The following UTP6 variants were observed in gnomAD, a reference collection of about 807,000 sequenced individuals.
UTP6 encodes UTP6 small subunit processome component, also known as U3 small nucleolar RNA-associated protein 6 homolog.
UTP6 carries 60 observed loss-of-function variants against 96.5 expected under a neutral mutation model. The observed-to-expected ratio is 0.62, with a 90% CI of 0.51 to 0.77. The LOEUF (loss-of-function observed/expected upper bound fraction) is 0.77, where lower values mean the gene tolerates loss of function less well. Ranked by LOEUF, UTP6 falls within the 30% of genes least tolerant of loss-of-function variation. The pLI is 0.00. For missense variants in UTP6, 637 were observed against 706.5 expected (o/e 0.90, Z 1.12); for synonymous variants, 215 against 240.1 (o/e 0.90, Z 0.96).
chr17:31,871,075 C>T (rs1056397654), intron 16 of UTP6, among the ~76,000 whole-genome samples: 5 of 151,524 alleles, frequency 3.3e-5, no homozygotes, highest in African/African-American at 9.7e-5. Context: ...CTGAAAGCTC[C>T]GCCTCCCAGG....
intron 4 of UTP6, among the ~76,000 whole-genome samples, chr17:31,893,077 C>G (rs1479531327): frequency 1.3e-5 from 2 of 152,020 alleles, no homozygotes; most frequent in African/African-American, 4.8e-5. Context: ...TCAAAACCAG[C>G]CTGTCAAATA....
intron 4 of UTP6, among the ~76,000 whole-genome samples, chr17:31,893,734 C>CAAAA (rs3084042): frequency 7.1e-5 from 6 of 84,444 alleles, no homozygotes; most frequent in East Asian, 3.7e-4. Context: ...CATCCCCCAC[C>CAAAA]AAAAAAAAAA....
At chr17:31,890,815 C>G (rs1032186052) in intron 6 of UTP6, among the ~76,000 whole-genome samples, 1 of 150,386 alleles carries the variant, frequency 6.6e-6, no homozygotes, top group Non-Finnish European at 1.5e-5. Context: ...GGCGAAACCC[C>G]ATCTCTACTA....
At chr17:31,887,375 G>C (rs1911213138) in intron 7 of UTP6, 62 bp from the exon 8 acceptor site, 1 of 1,417,836 alleles carries the variant, frequency 7.1e-7, no homozygotes, top group Admixed American at 1.8e-5. Flanking sequence ...TTTGAGACAG[G>C]GTCTTGCTCT....
At chr17:31,871,204 G>C (rs905259500) in intron 16 of UTP6, among the ~76,000 whole-genome samples, 5 of 151,598 alleles carry the variant, frequency 3.3e-5, no homozygotes, top group African/African-American at 1.2e-4. Flanking sequence ...GTGTTAGCCA[G>C]GATGGTCTCG....
At chr17:31,867,813 G>A (rs1369772814) in intron 17 of UTP6, among the ~76,000 whole-genome samples, 3 of 151,980 alleles carry the variant, frequency 2.0e-5, no homozygotes, top group African/African-American at 7.2e-5. Flanking sequence ...AAAATTGGCT[G>A]GGCATGGTGG....
At position 31,899,876 on chromosome 17, in the gene UTP6, TG is replaced by T. The variant is rs1308905023; in HGVS notation, c.93-147del. The T allele has an allele frequency of 4.8e-6, 3 of 624,566 alleles. No individual in the cohort carries two copies. The African/African-American group carries it at 5.7e-5, about 12-fold the overall frequency. The allele number at this position is 624,566 out of a possible 1,614,324, so 38.7% of individuals were successfully genotyped here. On this transcript the variant is annotated intron_variant, in intron 1 of 18. Coordinates refer to ENST00000261708, the MANE Select transcript of UTP6 (RefSeq NM_018428.3). Reference sequence around the variant, plus strand: ...AGAAAGTATTATCGGCCGGACACAGTGGCTCATGCCTGGAATCCCAGCACTT... The same window carrying T: ...AGAAAGTATTATCGGCCGGACACAGTGCTCATGCCTGGAATCCCAGCACTT...
In UTP6 at chr17:31,873,361, T is replaced by C. The variant is rs768670160; in HGVS notation, c.1496+17A>G. On this transcript the variant is annotated intron_variant, in intron 16 of 18. Coordinates refer to ENST00000261708, the MANE Select transcript of UTP6 (RefSeq NM_018428.3). ...GGGGTAGAGGGACTAGTAACAACTA[T>C]GAACGTCTGTGAGTACCTTTTAAAC... 2 of 1,613,270 alleles carry C rather than the reference T, an allele frequency of 1.2e-6. No homozygotes were observed. Among genetic ancestry groups the C allele is most frequent in the South Asian group, 1.1e-5 (1 of 91,000 alleles).
chr17:31,878,941 A>G (rs1327026386), intron 11 of UTP6, among the ~76,000 whole-genome samples, 160 bp from the exon 12 acceptor site: 1 of 152,222 alleles, frequency 6.6e-6, no homozygotes, highest in Non-Finnish European at 1.5e-5. Flanking sequence ...GATTTTAAGA[A>G]GTGTTATGCT....
chr17:31,881,402 A>C (rs950410951), intron 10 of UTP6, among the ~76,000 whole-genome samples: 1 of 150,950 alleles, frequency 6.6e-6, no homozygotes, highest in Non-Finnish European at 1.5e-5. Context: ...AAGTAGCTGG[A>C]ATTACAGACG....
At chr17:31,877,801 T>C (rs1027049630) in intron 13 of UTP6, among the ~76,000 whole-genome samples, 1 of 152,018 alleles carries the variant, frequency 6.6e-6, no homozygotes, top group Non-Finnish European at 1.5e-5. Context: ...ATCCCGTCTC[T>C]ACCAAAAATA....
At chr17:31,870,647 A>G (rs1245545850) in intron 16 of UTP6, among the ~76,000 whole-genome samples, 1 of 149,592 alleles carries the variant, frequency 6.7e-6, no homozygotes, top group Non-Finnish European at 1.5e-5. Context: ...TCAGCCTCCC[A>G]GGTAGCTGGG....
At chr17:31,894,913 C>G (rs1904544855) in intron 3 of UTP6, 57 bp downstream of exon 3, 2 of 1,450,512 alleles carry the variant, frequency 1.4e-6, no homozygotes, top group Admixed American at 1.8e-5. Flanking sequence ...CCTAACTATA[C>G]AGCCATACTG....
At chr17:31,894,144 C>A (rs1052420060) in intron 4 of UTP6, among the ~76,000 whole-genome samples, 55 of 151,784 alleles carry the variant, frequency 3.6e-4, no homozygotes, top group African/African-American at 1.3e-3. Flanking sequence ...TGGCATGCGC[C>A]TGTGATCCCA....
At chr17:31,874,166 C>A (rs1385135279) in intron 14 of UTP6, 1 of 187,610 alleles carries the variant, frequency 5.3e-6, no homozygotes, top group East Asian at 1.8e-4. Context: ...CAGGTCATGT[C>A]TCTGCTGTCT....
chr17:31,877,827 C>T (rs1302194036), intron 13 of UTP6, among the ~76,000 whole-genome samples: 1 of 151,930 alleles, frequency 6.6e-6, no homozygotes, highest in African/African-American at 2.4e-5. Flanking sequence ...ATTAGCTGGG[C>T]GTGGTGGCAT....
At position 31,863,385 on chromosome 17, in the gene UTP6, C is replaced by T. The variant is rs759619796; in HGVS notation, c.1768G>A (p.Ala590Thr). 4.6e-5 allele frequency: 74 copies of T among 1,613,896 alleles called. No homozygotes were observed. The highest frequency in any genetic ancestry group is 6.1e-5 in the Non-Finnish European group (72 of 1,180,006). ...CATAAATGGCCAGTCTGATGCATAG[C>T]ATGTTTAGCTACAAATGCCTCTGCT... is the stretch of plus-strand genomic sequence containing the variant. Reference protein sequence around the residue: ...ESAEAFVAKHAMHQTGHL With the variant: ...ESAEAFVAKHTMHQTGHL Residue 590 changes from alanine to threonine, a missense_variant, in exon 19 of 19, where the codon GCT becomes ACT. Ala to Thr is a moderately conservative substitution (Grantham distance 58, BLOSUM62 0). Coordinates refer to ENST00000261708, the MANE Select transcript of UTP6 (RefSeq NM_018428.3).
intron 16 of UTP6, among the ~76,000 whole-genome samples, chr17:31,871,747 C>T (rs532731303): frequency 1.3e-5 from 2 of 151,502 alleles, no homozygotes; most frequent in South Asian, 4.2e-4. Context: ...TAAAAAATTA[C>T]CTGGGTGTGG....
At chr17:31,873,820 A>G (rs1910334010) in intron 14 of UTP6, 67 bp from the exon 15 acceptor site, 1 of 1,480,496 alleles carries the variant, frequency 6.8e-7, no homozygotes, top group African/African-American at 1.4e-5. Flanking sequence ...GTACCCTATA[A>G]ATATGTAAAA....
Sources: allele counts gnomAD v4.1 joint callset (sites outside exome capture counted in the v4.1 genomes callset), GRCh38; gene constraint gnomAD v4.1.1; transcripts MANE v1.5; gene names NCBI Gene and HGNC (gene_info 2026-07-23, HGNC 2026-07-21).